The following SLC11A2 variants were observed in gnomAD, a reference collection of about 807,000 sequenced individuals.
SLC11A2 encodes solute carrier family 11 member 2.
A neutral mutation model predicts 68.0 loss-of-function variants in SLC11A2; 38 were observed. That is an observed-to-expected ratio of 0.56 (90% confidence interval 0.43 to 0.73). SLC11A2 has a LOEUF of 0.73. Ranked by LOEUF, SLC11A2 falls within the 30% of genes least tolerant of loss-of-function variation. The pLI, the probability that SLC11A2 is intolerant of heterozygous loss-of-function variation, is 0.00. For missense variants in SLC11A2, 517 were observed against 690.5 expected, an observed-to-expected ratio of 0.75 and a Z score of 2.82; for synonymous variants, 242 against 250.6, an observed-to-expected ratio of 0.97 and a Z score of 0.32.
upstream of SLC11A2, among the ~76,000 whole-genome samples, chr12:51,027,254 A>T (rs1240430687): frequency 6.6e-6 from 1 of 151,266 alleles, no homozygotes; most frequent in South Asian, 2.1e-4. Context: ...TGGGAGAATC[A>T]CTTGGGCCTG....
At chr12:51,022,059 A>G (rs183294794) in intron 1 of SLC11A2, among the ~76,000 whole-genome samples, 184 of 152,278 alleles carry the variant, frequency 1.2e-3, no homozygotes, top group African/African-American at 4.1e-3. Flanking sequence ...CTCACAAGTC[A>G]GGGTCACTAA....
chr12:51,026,087 G>A, intron 1 of SLC11A2: 1 of 1,098,190 alleles, frequency 9.1e-7, no homozygotes, highest in South Asian at 2.1e-5. Context: ...TTCCCTCCCT[G>A]CCCCCATCTT....
chr12:50,986,982 C>A lies in SLC11A2; in HGVS notation c.*1343G>T, dbSNP rs12480. ...CACCATTTTCCATTACTGTTCTCAC[C>A]AAATCAATGACTATAAAACAGTTTT... On this transcript the variant is annotated 3_prime_UTR_variant, in exon 16 of 16. Transcript: ENST00000262052. 7 of 1,286,582 alleles carry A rather than the reference C, an allele frequency of 5.4e-6. No individual in the cohort carries two copies. In the South Asian group the frequency reaches 7.4e-5, roughly 14 times the overall value. 79.7% of individuals were successfully genotyped at this position (1,286,582 alleles called of 1,614,324 possible).
At chr12:50,960,686 AT>A in the SLC11A2 span, among the ~76,000 whole-genome samples, 83 of 147,370 alleles carry the variant, frequency 5.6e-4, no homozygotes, top group African/African-American at 1.2e-3. Context: ...TAACCCATAC[AT>A]TTTTTTTTTT....
chr12:50,986,662 A>G lies in SLC11A2; in HGVS notation c.*1663T>C. The G allele has an allele frequency of 7.8e-7, 1 of 1,286,778 alleles. No homozygotes were observed. The highest frequency in any genetic ancestry group is 1.0e-6 in the Non-Finnish European group (1 of 988,420). The allele number at this position is 1,286,778 out of a possible 1,614,324, so 79.7% of individuals were successfully genotyped here. A position where few individuals can be genotyped will look rare whatever the true frequency, so the allele number is the denominator to read the frequency against. On this transcript the variant is annotated 3_prime_UTR_variant, in exon 16 of 16. Coordinates refer to ENST00000262052, the MANE Select transcript of SLC11A2 (RefSeq NM_000617.3). ...CCCAATATCTTCACAGAGTGCCTTT[A>G]TGACCAGTTTGGAGAATTACGATGG...
the SLC11A2 span, among the ~76,000 whole-genome samples, chr12:50,972,800 G>A: frequency 6.6e-6 from 1 of 152,198 alleles, no homozygotes; most frequent in Non-Finnish European, 1.5e-5. Context: ...CCCTAATACT[G>A]CACTTTTCCG....
intron 3 of SLC11A2, chr12:51,008,135 T>C (rs1229941209): frequency 5.0e-6 from 1 of 198,720 alleles, no homozygotes; most frequent in African/African-American, 2.4e-5. Context: ...ACCCCAGGAA[T>C]TCAAGGCTAC....
At chr12:51,003,257 G>T (rs934344826) in intron 5 of SLC11A2, among the ~76,000 whole-genome samples, 8 of 151,028 alleles carry the variant, frequency 5.3e-5, no homozygotes, top group Non-Finnish European at 7.4e-5. Flanking sequence ...AAAAAAGCAG[G>T]CTGGGCACGG....
downstream of SLC11A2, among the ~76,000 whole-genome samples, chr12:50,976,162 T>TA (rs1433845712): frequency 7.2e-5 from 11 of 152,198 alleles, no homozygotes; most frequent in African/African-American, 2.4e-4. Context: ...ATCATCCTGA[T>TA]ACCAAAGCCT....
chr12:50,963,742 C>T, the SLC11A2 span, among the ~76,000 whole-genome samples: 1 of 152,144 alleles, frequency 6.6e-6, no homozygotes, highest in Non-Finnish European at 1.5e-5. Flanking sequence ...GCATCATTTC[C>T]ACCTTCTAAA....
chr12:51,019,082 G>A (rs77042825), intron 1 of SLC11A2, among the ~76,000 whole-genome samples: 2 of 152,266 alleles, frequency 1.3e-5, no homozygotes, highest in East Asian at 1.9e-4. Context: ...GCAAGAATGC[G>A]TTCAAGCTAC....
rs192099659 is a variant in SLC11A2, at chr12:50,990,952, T to C, written c.1422-4A>G. On this transcript the variant is annotated splice_region_variant and splice_polypyrimidine_tract_variant and intron_variant, in intron 14 of 15. Coordinates refer to ENST00000262052, the MANE Select transcript of SLC11A2 (RefSeq NM_000617.3). ...TCCTCCTGCAATCCGCCAGCCTCTG[T>C]AAAAGAAATCAGCACAGTCACTGAT... 6.2e-7 allele frequency: 1 copy of C among 1,613,692 alleles called. No individual in the cohort carries two copies. The highest frequency in any genetic ancestry group is 2.2e-5 in the East Asian group (1 of 44,866).
At chr12:50,953,240 G>A in the SLC11A2 span, among the ~76,000 whole-genome samples, 3 of 152,316 alleles carry the variant, frequency 2.0e-5, no homozygotes, top group Admixed American at 6.5e-5. Flanking sequence ...ACAGACAGCA[G>A]GTGGCGGGGT....
chr12:50,994,905 G>T (rs1309284301), intron 10 of SLC11A2: 2 of 429,028 alleles, frequency 4.7e-6, no homozygotes, highest in Admixed American at 7.4e-5. Context: ...ATGACAAGAG[G>T]AGAGGCTCTG....
At chr12:50,969,641 G>A in the SLC11A2 span, among the ~76,000 whole-genome samples, 1 of 151,796 alleles carries the variant, frequency 6.6e-6, no homozygotes, top group African/African-American at 2.4e-5. Context: ...GGAGGTTGCA[G>A]TGAGCTGAGA....
At chr12:51,003,236 A>G (rs1342507930) in intron 5 of SLC11A2, among the ~76,000 whole-genome samples, 2 of 151,698 alleles carry the variant, frequency 1.3e-5, no homozygotes, top group Admixed American at 1.3e-4. Flanking sequence ...CTCCGTCTCA[A>G]ACAAACAAAC....
chr12:50,998,191 C>T (rs991638141), intron 8 of SLC11A2, among the ~76,000 whole-genome samples: 1 of 151,238 alleles, frequency 6.6e-6, no homozygotes, highest in African/African-American at 2.4e-5. Flanking sequence ...AACCCCATCT[C>T]TACTAAAAAT....
intron 9 of SLC11A2, among the ~76,000 whole-genome samples, chr12:50,996,443 T>G (rs1941706746): frequency 6.6e-6 from 1 of 151,962 alleles, no homozygotes. Context: ...GGCATGGTGG[T>G]GCACGCCTAT....
At chr12:51,001,585 C>CAAAAAAA (rs57569917) in intron 5 of SLC11A2, among the ~76,000 whole-genome samples, 8 of 109,138 alleles carry the variant, frequency 7.3e-5, no homozygotes, top group East Asian at 2.2e-4. Flanking sequence ...CTTGCTTTCA[C>CAAAAAAA]AAAAAAAAAA....
Sources: gnomAD v4.1 joint callset for allele counts (sites outside exome capture counted in the v4.1 genomes callset) on GRCh38, gnomAD v4.1.1 for gene constraint, MANE v1.5 for transcripts, NCBI Gene and HGNC (gene_info 2026-07-23, HGNC 2026-07-21) for gene names.